EPHA5: variants seen among roughly 807,000 people sequenced by gnomAD.
EPHA5 encodes the protein EPH receptor A5, also known as ephrin type-A receptor 5.
In EPHA5, 60 loss-of-function variants were observed where a neutral mutation model predicts 105.0. The observed-to-expected ratio is 0.57, with a 90% CI of 0.46 to 0.71. The LOEUF is 0.71. Among genes scored for constraint, EPHA5 ranks in the 30% least tolerant of loss-of-function variants. EPHA5 has a pLI of 0.00. For missense variants in EPHA5, 1,218 were observed against 1,274.7 expected, an observed-to-expected ratio of 0.96 and a Z score of 0.68; for synonymous variants, 513 against 449.1, an observed-to-expected ratio of 1.14 and a Z score of -1.80.
chr4:65,476,457 T>C (rs1376505534), intron 5 of EPHA5, among the ~76,000 whole-genome samples: 1 of 152,042 alleles, frequency 6.6e-6, no homozygotes, highest in East Asian at 1.9e-4. Context: ...GTGGAGGCCA[T>C]TTTCCTAAGC....
chr4:65,513,981 C>T (rs1015713163), intron 3 of EPHA5, among the ~76,000 whole-genome samples: 2 of 152,100 alleles, frequency 1.3e-5, no homozygotes, highest in African/African-American at 4.8e-5. Flanking sequence ...GACTGTTCTT[C>T]TACTTAAAAC....
intron 3 of EPHA5, among the ~76,000 whole-genome samples, chr4:65,502,767 T>C (rs1426036927): frequency 6.6e-6 from 1 of 151,620 alleles, no homozygotes; most frequent in Non-Finnish European, 1.5e-5. Flanking sequence ...AGAAAATAAG[T>C]TGTTCTGACA....
rs573168337 is a variant in EPHA5 at position 65,342,420 on chromosome 4, C to T, written c.2595+5634G>A. Among the ~76,000 whole-genome samples, 16 of 152,038 alleles carry T rather than the reference C, an allele frequency of 1.1e-4. 2 individuals carry two copies. The South Asian group carries it at 3.3e-3, about 31-fold the overall frequency. ...ACTGTCAAATCTTAGTAATTTGCAGCATTTGGATGAGAACTAAATTCCTCA... is the reference window on the plus strand; with the variant it reads ...ACTGTCAAATCTTAGTAATTTGCAGTATTTGGATGAGAACTAAATTCCTCA... On this transcript the variant is annotated intron_variant, in intron 14 of 16. Transcript: ENST00000613740.
At chr4:65,486,935 C>T (rs918806153) in intron 5 of EPHA5, among the ~76,000 whole-genome samples, 1 of 152,184 alleles carries the variant, frequency 6.6e-6, no homozygotes, top group African/African-American at 2.4e-5. Flanking sequence ...ATCCTTGGTG[C>T]TCTCATGATA....
intron 8 of EPHA5, among the ~76,000 whole-genome samples, chr4:65,375,217 C>T (rs942131637): frequency 6.6e-6 from 1 of 151,470 alleles, no homozygotes; most frequent in African/African-American, 2.4e-5. Flanking sequence ...CCAGCTTTTC[C>T]AGGGGGTCTT....
chr4:65,447,239 A>G (rs921079624), intron 5 of EPHA5, among the ~76,000 whole-genome samples: 6 of 151,950 alleles, frequency 3.9e-5, no homozygotes, highest in Admixed American at 2.0e-4. Flanking sequence ...AACAGTTAGA[A>G]TATGGCAATA....
intron 3 of EPHA5, among the ~76,000 whole-genome samples, chr4:65,590,606 T>G (rs1206918243): frequency 6.6e-6 from 1 of 152,144 alleles, no homozygotes; most frequent in Non-Finnish European, 1.5e-5. Context: ...AATTGTACAA[T>G]TTCCGTAAAA....
intron 2 of EPHA5, among the ~76,000 whole-genome samples, chr4:65,631,733 TATAATAATA>T: frequency 9.1e-6 from 1 of 109,594 alleles, no homozygotes; most frequent in South Asian, 3.0e-4. Context: ...AAACTTAAAG[TATAATAATA>T]ATAATAATAA....
At chr4:65,383,537 C>A (rs536990627) in intron 8 of EPHA5, among the ~76,000 whole-genome samples, 1 of 151,760 alleles carries the variant, frequency 6.6e-6, no homozygotes, top group African/African-American at 2.4e-5. Flanking sequence ...TTGGCAAGAA[C>A]ATTATAGGGA....
chr4:65,432,004 T>C (rs35516551), intron 5 of EPHA5, among the ~76,000 whole-genome samples: 9,517 of 152,222 alleles, frequency 0.063, 588 homozygotes, highest in African/African-American at 0.16. Context: ...AATAGAATAT[T>C]AGTTTCTCAA....
intron 8 of EPHA5, 56 bp downstream of exon 8, chr4:65,404,318 T>C: frequency 1.4e-6 from 2 of 1,468,856 alleles, no homozygotes; most frequent in Non-Finnish European, 1.9e-6. Flanking sequence ...AATGGTCAGA[T>C]CAAGGTGAGG....
At chr4:65,527,324 T>A (rs1322398967) in intron 3 of EPHA5, among the ~76,000 whole-genome samples, 2 of 152,072 alleles carry the variant, frequency 1.3e-5, no homozygotes, top group Non-Finnish European at 2.9e-5. Context: ...TGAAAAATAA[T>A]GCTGACAGTA....
intron 3 of EPHA5, among the ~76,000 whole-genome samples, chr4:65,534,606 A>G (rs1736120897): frequency 1.3e-5 from 2 of 152,232 alleles, no homozygotes; most frequent in African/African-American, 4.8e-5. Flanking sequence ...AAAAGTAGAC[A>G]TATCAATGAT....
intron 3 of EPHA5, among the ~76,000 whole-genome samples, chr4:65,561,633 C>A (rs978240139): frequency 6.6e-6 from 1 of 152,022 alleles, no homozygotes; most frequent in Admixed American, 6.6e-5. Flanking sequence ...GAACATTAAG[C>A]CCCAGAAATT....
At chr4:65,400,095 T>C (rs1171790917) in intron 8 of EPHA5, among the ~76,000 whole-genome samples, 1 of 152,158 alleles carries the variant, frequency 6.6e-6, no homozygotes, top group South Asian at 2.1e-4. Context: ...AAAAACTTTC[T>C]CAAACATTTA....
chr4:65,543,846 A>G (rs1307155316), intron 3 of EPHA5, among the ~76,000 whole-genome samples: 1 of 152,138 alleles, frequency 6.6e-6, no homozygotes, highest in African/African-American at 2.4e-5. Flanking sequence ...ACAGTAATGA[A>G]AACAGCATGG....
Position 65,414,411 on chromosome 4 carries a change from A to C in EPHA5, c.1560T>G (p.Ser520=). Residue 520 remains serine (S), a synonymous_variant, in exon 7 of 17, where the codon TCT becomes TCG. Coordinates refer to ENST00000613740, the MANE Select transcript of EPHA5 (RefSeq NM_001281766.3). The part of the protein sequence containing the change: ...DQETSYTIIK[S]KETTITAEGL... ...CCTCTGCAGTAATAGTTGTCTCTTTAGATTTGATAATCGTGTAGCTGGTCT... is the reference window on the plus strand; with the variant it reads ...CCTCTGCAGTAATAGTTGTCTCTTTCGATTTGATAATCGTGTAGCTGGTCT... 1 of 1,613,994 alleles carries C rather than the reference A, an allele frequency of 6.2e-7. No individual in the cohort carries two copies. The highest frequency in any genetic ancestry group is 1.7e-4 in the Middle Eastern group (1 of 6,056).
chr4:65,611,814 T>G (rs557464473), intron 2 of EPHA5, among the ~76,000 whole-genome samples: 8 of 151,882 alleles, frequency 5.3e-5, no homozygotes, highest in African/African-American at 1.9e-4. Context: ...ATTAGGGCTG[T>G]TAGCTTTCTC....
chr4:65,529,557 G>A (rs183699251), intron 3 of EPHA5, among the ~76,000 whole-genome samples: 13 of 151,958 alleles, frequency 8.6e-5, no homozygotes, highest in Non-Finnish European at 1.8e-4. Context: ...ACAGAAAGAC[G>A]GTAAAAACCC....
Sources: gnomAD v4.1 joint callset for allele counts (sites outside exome capture counted in the v4.1 genomes callset) on GRCh38, gnomAD v4.1.1 for gene constraint, MANE v1.5 for transcripts, NCBI Gene and HGNC (gene_info 2026-07-23, HGNC 2026-07-21) for gene names.